Variants in CFTR observed in about 807,000 individuals in gnomAD.
CFTR encodes CF transmembrane conductance regulator, also known as cystic fibrosis transmembrane conductance regulator.
CFTR carries 181 observed loss-of-function variants against 171.6 expected under a neutral mutation model. That is an observed-to-expected ratio of 1.05 (90% CI 0.93 to 1.19). The LOEUF (loss-of-function observed/expected upper bound fraction) is 1.19. Among genes scored for constraint, CFTR ranks in the 50% most tolerant of loss-of-function variants. The pLI is 0.00. For synonymous variants in CFTR, 583 were observed against 608.0 expected, an observed-to-expected ratio of 0.96 and a Z score of 0.60; for missense variants, 1,968 against 1,734.7, an observed-to-expected ratio of 1.13 and a Z score of -2.39.
At chr7:117,618,983 C>T (rs1182461465) in intron 21 of CFTR, among the ~76,000 whole-genome samples, 1 of 152,174 alleles carries the variant, frequency 6.6e-6, no homozygotes, top group Non-Finnish European at 1.5e-5. Flanking sequence ...TACTAATTCA[C>T]TCTTTATTTT....
rs898657731 is a variant in CFTR, at chr7:117,515,522, C to T, written c.273+6380C>T. 2.0e-5 allele frequency among the ~76,000 whole-genome samples: 3 copies of T among 152,146 alleles called. No homozygotes were observed. The highest frequency in any genetic ancestry group is 2.1e-4 in the South Asian group (1 of 4,822). On this transcript the variant is annotated intron_variant, in intron 3 of 26. Coordinates refer to ENST00000003084, the MANE Select transcript of CFTR (RefSeq NM_000492.4). ...CACCATTGGTCTATATGTCTGTTAT[C>T]GTACCAGTCCCATGCTGTTTTGGTT...
In CFTR at chr7:117,554,717, T is replaced by C. The variant is rs79974989; in HGVS notation, c.1393-4747T>C. 4.2e-3 allele frequency among the ~76,000 whole-genome samples: 634 copies of C among 152,132 alleles called. 7 individuals are homozygous for C. The highest frequency in any genetic ancestry group is 0.014 in the African/African-American group (594 of 41,476). On this transcript the variant is annotated intron_variant, in intron 10 of 26. Coordinates refer to ENST00000003084, the MANE Select transcript of CFTR (RefSeq NM_000492.4). The stretch of plus-strand genomic sequence containing the variant: ...AGTCTGAGAAGACAAAGCTAGTGAA[T>C]GAATGTGGTATCCCGGAACCCAACT...
chr7:117,550,572 A>G lies in CFTR; in HGVS notation c.1392+1749A>G, dbSNP rs777402235. Among the ~76,000 whole-genome samples, 189 of 152,328 alleles carry G rather than the reference A, an allele frequency of 1.2e-3. 2 individuals carry two copies. Among genetic ancestry groups the G allele is most frequent in the Non-Finnish European group, 7.2e-4 (49 of 68,028 alleles). ...AGGAGGGGCTGATACTAAATAAGTT[A>G]GCAATGGTCTAAACAAGGATGTTTA... On this transcript the variant is annotated intron_variant, in intron 10 of 26. Transcript: ENST00000003084.
intron 25 of CFTR, 114 bp downstream of exon 25, chr7:117,664,974 C>T: frequency 8.9e-7 from 1 of 1,123,214 alleles, no homozygotes; most frequent in Non-Finnish European, 1.4e-6. Flanking sequence ...GGGGGTCTCC[C>T]CCAAGATATG....
intron 1 of CFTR, 124 bp downstream of exon 1, chr7:117,480,271 T>C: frequency 1.2e-6 from 1 of 867,650 alleles, no homozygotes; most frequent in Admixed American, 1.8e-5. Flanking sequence ...TCATTCATTG[T>C]TTTGAAAGAA....
At chr7:117,666,321 C>T (rs1488765772) in intron 26 of CFTR, among the ~76,000 whole-genome samples, 1 of 152,168 alleles carries the variant, frequency 6.6e-6, no homozygotes, top group African/African-American at 2.4e-5. Flanking sequence ...TTTTGAGCCT[C>T]CTGGAGGTAA....
chr7:117,622,343 T>A (rs1329958043), intron 21 of CFTR, among the ~76,000 whole-genome samples: 4 of 152,170 alleles, frequency 2.6e-5, no homozygotes. Context: ...GCCTAAAGAT[T>A]ATGCTAATGG....
chr7:117,542,383 C>T (rs1260327817), intron 9 of CFTR, among the ~76,000 whole-genome samples: 1 of 151,968 alleles, frequency 6.6e-6, no homozygotes, highest in Non-Finnish European at 1.5e-5. Flanking sequence ...CCGGTCTCTA[C>T]TAAAAATACA....
intron 10 of CFTR, among the ~76,000 whole-genome samples, chr7:117,555,379 GTAATAAT>G (rs1342129731): frequency 6.6e-6 from 1 of 152,176 alleles, no homozygotes; most frequent in East Asian, 1.9e-4. Context: ...TGGTACTACT[GTAATAAT>G]TTGGAAGCCA....
At chr7:117,482,408 T>C (rs1459723803) in intron 1 of CFTR, among the ~76,000 whole-genome samples, 1 of 152,166 alleles carries the variant, frequency 6.6e-6, no homozygotes, top group South Asian at 2.1e-4. Context: ...TTTCTTACTT[T>C]CTTAATTTTG....
At chr7:117,564,221 T>C (rs954168364) in intron 11 of CFTR, among the ~76,000 whole-genome samples, 2 of 152,210 alleles carry the variant, frequency 1.3e-5, no homozygotes, top group South Asian at 4.1e-4. Flanking sequence ...TTGTTCTGTC[T>C]CACAGTCTCA....
intron 15 of CFTR, among the ~76,000 whole-genome samples, chr7:117,597,902 C>G (rs1562909980): frequency 6.6e-6 from 1 of 151,950 alleles, no homozygotes. Flanking sequence ...GTGCCTGAAG[C>G]AGTGGATGAG....
At chr7:117,628,659 T>A (rs185672449) in intron 22 of CFTR, among the ~76,000 whole-genome samples, 24 of 152,168 alleles carry the variant, frequency 1.6e-4, no homozygotes, top group African/African-American at 5.3e-4. Flanking sequence ...ATAGAAACAG[T>A]TTTGCTCATG....
At chr7:117,578,215 T>C (rs1322877761) in intron 11 of CFTR, among the ~76,000 whole-genome samples, 2 of 151,894 alleles carry the variant, frequency 1.3e-5, no homozygotes, top group African/African-American at 2.4e-5. Flanking sequence ...CTGACACCCC[T>C]AAGGCAACAA....
intron 19 of CFTR, 54 bp downstream of exon 19, chr7:117,610,723 T>A (rs892536254): frequency 6.3e-7 from 1 of 1,587,296 alleles, no homozygotes; most frequent in African/African-American, 1.3e-5. Flanking sequence ...AAGAGCTATT[T>A]GAGATTCTTT....
At chr7:117,554,732 G>A (rs1799323225) in intron 10 of CFTR, among the ~76,000 whole-genome samples, 1 of 151,996 alleles carries the variant, frequency 6.6e-6, no homozygotes, top group Admixed American at 6.5e-5. Flanking sequence ...GTGGTATCCC[G>A]GAACCCAACT....
rs1792303279 is a variant in CFTR at position 117,606,590 on chromosome 7, T to C, written c.2909-84T>C. ...ATTTGGGTTCTGAATGCGTCTACTG[T>C]GATCCAAACTTAGTATTGAATATAT... On this transcript the variant is annotated intron_variant, in intron 17 of 26. Coordinates refer to ENST00000003084, the MANE Select transcript of CFTR (RefSeq NM_000492.4). 3.7e-6 allele frequency: 3 copies of C among 801,728 alleles called. No individual in the cohort carries two copies. The African/African-American group carries it at 5.1e-5, about 14-fold the overall frequency. 49.7% of individuals were successfully genotyped at this position (801,728 alleles called of 1,614,324 possible).
chr7:117,587,614 T>G, intron 11 of CFTR, 125 bp from the exon 12 acceptor site: 1 of 633,888 alleles, frequency 1.6e-6, no homozygotes, highest in Non-Finnish European at 2.9e-6. Flanking sequence ...GATGCAATGT[T>G]CAAAATTTCA....
intron 23 of CFTR, among the ~76,000 whole-genome samples, chr7:117,644,412 T>C (rs1194231223): frequency 6.6e-6 from 1 of 150,548 alleles, no homozygotes; most frequent in Non-Finnish European, 1.5e-5. Flanking sequence ...TGTCCTAAAG[T>C]TTAAAAAGAA....
Sources: gnomAD v4.1 joint callset for allele counts (sites outside exome capture counted in the v4.1 genomes callset) on GRCh38, gnomAD v4.1.1 for gene constraint, MANE v1.5 for transcripts, NCBI Gene and HGNC (gene_info 2026-07-23, HGNC 2026-07-21) for gene names.